DLGAP3: variants seen among roughly 807,000 people sequenced by gnomAD.
The protein encoded by DLGAP3 is DLG associated protein 3.
Under a neutral mutation model 81.2 loss-of-function variants are expected in DLGAP3, and 17 were observed. The observed-to-expected ratio is 0.21, with a 90% CI of 0.14 to 0.31. DLGAP3 has a LOEUF of 0.31. DLGAP3 is among the 10% of genes least tolerant of loss of function. The pLI is 1.00. For synonymous variants in DLGAP3, 577 were observed against 587.4 expected, an observed-to-expected ratio of 0.98 and a Z score of 0.26; for missense variants, 1,124 against 1,388.0, an observed-to-expected ratio of 0.81 and a Z score of 3.02.
chr1:34,890,214 A>G (rs1022467915), intron 5 of DLGAP3, among the ~76,000 whole-genome samples: 1 of 152,186 alleles, frequency 6.6e-6, no homozygotes, highest in African/African-American at 2.4e-5. Context: ...ACACCCCTAA[A>G]ATTAAAAATT....
rs188348795 is a variant in DLGAP3, at chr1:34,922,343, C to A, written c.-135+7108G>T. ...TCAAGCTCAAGCTGTTGGGAAGACA[C>A]TTTTGGGTAGCCCAATGTTCAGTCA... On this transcript the variant is annotated intron_variant, in intron 1 of 11. Coordinates refer to ENST00000373347, the MANE Select transcript of DLGAP3 (RefSeq NM_001080418.3). 2.6e-5 allele frequency among the ~76,000 whole-genome samples: 4 copies of A among 152,358 alleles called. No individual in the cohort carries two copies. The East Asian group carries it at 5.8e-4, about 22-fold the overall frequency.
Position 34,907,382 on chromosome 1 carries a change from A to G in DLGAP3, c.-79T>C, listed in dbSNP as rs1351171038. ...TCCAGGGTGTCCCATCCTTGATGTC[A>G]GGATCCCCACCACCAGGCAGAAGCC... On this transcript the variant is annotated 5_prime_UTR_variant, in exon 2 of 12. Coordinates refer to ENST00000373347, the MANE Select transcript of DLGAP3 (RefSeq NM_001080418.3). 6.6e-6 allele frequency: 1 copy of G among 152,654 alleles called. No individual in the cohort carries two copies. Among genetic ancestry groups the G allele is most frequent in the Admixed American group, 6.5e-5 (1 of 15,276 alleles). The allele number at this position is 152,654 out of a possible 1,614,324, so 9.5% of individuals were successfully genotyped here. A position where few individuals can be genotyped will look rare whatever the true frequency, so the allele number is the denominator to read the frequency against.
At chr1:34,903,396 C>T (rs1467811796) in intron 3 of DLGAP3, among the ~76,000 whole-genome samples, 1 of 152,220 alleles carries the variant, frequency 6.6e-6, no homozygotes, top group Non-Finnish European at 1.5e-5. Context: ...CCAGAAAACG[C>T]TCATTGAATA....
Position 34,866,054 on chromosome 1 carries a change from C to A in DLGAP3, c.*29G>T. The A allele has an allele frequency of 6.4e-7, 1 of 1,570,208 alleles. No individual in the cohort carries two copies. The highest frequency in any genetic ancestry group is 8.6e-7 in the Non-Finnish European group (1 of 1,160,528). On this transcript the variant is annotated 3_prime_UTR_variant, in exon 12 of 12. Coordinates refer to ENST00000373347, the MANE Select transcript of DLGAP3 (RefSeq NM_001080418.3). ...TACAGTACGGGTGGAGAACCGCGGG[C>A]CCGGGCCGGGCTGGGCGGGCCGGAC...
At chr1:34,899,581 C>A in intron 5 of DLGAP3, 88 bp downstream of exon 5, 4 of 1,195,546 alleles carry the variant, frequency 3.3e-6, no homozygotes, top group Non-Finnish European at 5.0e-6. Flanking sequence ...TCTCCACAGG[C>A]AGACCCTCTG....
At chr1:34,888,130 C>T (rs201687625) in intron 5 of DLGAP3, among the ~76,000 whole-genome samples, 5,468 of 152,246 alleles carry the variant, frequency 0.036, 111 homozygotes, top group Middle Eastern at 0.085. Context: ...TGTGACATCT[C>T]CCAGGAAAGA....
At chr1:34,877,500 G>A (rs1639075894) in intron 8 of DLGAP3, among the ~76,000 whole-genome samples, 1 of 152,106 alleles carries the variant, frequency 6.6e-6, no homozygotes, top group Non-Finnish European at 1.5e-5. Flanking sequence ...GAAGAGGGCA[G>A]TAAAAAACAA....
chr1:34,886,346 G>A, intron 5 of DLGAP3, 61 bp from the exon 6 acceptor site: 6 of 1,462,370 alleles, frequency 4.1e-6, no homozygotes, highest in Non-Finnish European at 4.6e-6. Context: ...GAAGTCCCTG[G>A]GGTGCTCTGC....
chr1:34,872,771 G>A lies in DLGAP3; in HGVS notation c.2001-3682C>T, dbSNP rs184268215. On this transcript the variant is annotated intron_variant, in intron 8 of 11. Transcript: ENST00000373347. Reference sequence around the variant, plus strand: ...CCCACCACTGCTGGCTCTGAAGATAGAAGCAAGCTGCAAGTGAAGGAATGC... The same window carrying A: ...CCCACCACTGCTGGCTCTGAAGATAAAAGCAAGCTGCAAGTGAAGGAATGC... Among the ~76,000 whole-genome samples, 302 of 152,290 alleles carry A rather than the reference G, an allele frequency of 2.0e-3. 1 individual carries two copies. Among genetic ancestry groups the A allele is most frequent in the South Asian group, 9.7e-3 (47 of 4,828 alleles).
intron 5 of DLGAP3, among the ~76,000 whole-genome samples, chr1:34,893,178 C>CCA (rs1639340617): frequency 1.2e-5 from 1 of 84,844 alleles, no homozygotes; most frequent in African/African-American, 4.3e-5. Flanking sequence ...GACTCCGTCT[C>CCA]AAAAAAAAAA....
chr1:34,921,623 G>A (rs1639798258), intron 1 of DLGAP3, among the ~76,000 whole-genome samples: 2 of 152,186 alleles, frequency 1.3e-5, no homozygotes, highest in African/African-American at 4.8e-5. Context: ...CACAGCATGT[G>A]GCAGATTAGA....
Position 34,900,240 on chromosome 1 carries a change from C to T in DLGAP3, c.1141G>A (p.Gly381Ser), listed in dbSNP as rs767733655. ...CAGGGGATCTCCCCATCCTTGCCAC[C>T]GGTGGGGTAACCCCCCCAGTCATCT... ...PQDDWGGYPT[G>S]GKDGEIPCRR... The change falls in exon 4 of 12, where the codon GGT becomes AGT. Residue 381 changes from glycine (G) to serine (S), a missense_variant. Gly to Ser is a moderately conservative substitution (Grantham distance 56). Coordinates refer to ENST00000373347, the MANE Select transcript of DLGAP3 (RefSeq NM_001080418.3). The surrounding 1 kb of genome is among the most constrained non-coding windows in gnomAD (Gnocchi z 5.6). 12 of 1,613,930 alleles carry T rather than the reference C, an allele frequency of 7.4e-6. No homozygotes were observed. The East Asian group carries it at 1.3e-4, about 18-fold the overall frequency.
At chr1:34,893,004 C>G (rs1639335414) in intron 5 of DLGAP3, among the ~76,000 whole-genome samples, 1 of 151,606 alleles carries the variant, frequency 6.6e-6, no homozygotes, top group Non-Finnish European at 1.5e-5. Flanking sequence ...AACCCCGTCT[C>G]TACTAAAAAT....
chr1:34,875,882 C>A (rs1639042874), intron 8 of DLGAP3, among the ~76,000 whole-genome samples: 1 of 152,288 alleles, frequency 6.6e-6, no homozygotes, highest in Non-Finnish European at 1.5e-5. Context: ...CGGATCTCCA[C>A]CCAAATGTCA....
At chr1:34,896,458 G>A (rs1187945998) in intron 5 of DLGAP3, among the ~76,000 whole-genome samples, 14 of 152,076 alleles carry the variant, frequency 9.2e-5, no homozygotes, top group African/African-American at 1.9e-4. Flanking sequence ...GTGTGGTGGC[G>A]CACACGTGTA....
chr1:34,866,287 G>C lies in DLGAP3; in HGVS notation c.2736C>G (p.Val912=). 2 of 1,530,212 alleles carry C rather than the reference G, an allele frequency of 1.3e-6. No homozygotes were observed. The highest frequency in any genetic ancestry group is 8.8e-7 in the Non-Finnish European group (1 of 1,138,148). The allele number at this position is 1,530,212 out of a possible 1,614,324, so 94.8% of individuals were successfully genotyped here. The change falls in exon 12 of 12, where the codon GTC becomes GTG. Residue 912 remains valine, a synonymous_variant. Transcript: ENST00000373347. Reference sequence around the variant, plus strand: ...GGGGCTTCTTTGGTATCGGCGGAGGGACCTTCTTCTCCTCCTGCGGGGCAG... The same window carrying C: ...GGGGCTTCTTTGGTATCGGCGGAGGCACCTTCTTCTCCTCCTGCGGGGCAG... ...KLLEPKEEKK[V]PPPIPKKPLR... is the part of the protein sequence containing the mutation.
intron 5 of DLGAP3, among the ~76,000 whole-genome samples, chr1:34,893,497 CT>C (rs1639344899): frequency 1.3e-5 from 2 of 152,154 alleles, no homozygotes; most frequent in Admixed American, 1.3e-4. Context: ...ACAAGAGCCT[CT>C]ATAAATATAT....
At chr1:34,899,887 T>C (rs1639428936) in intron 4 of DLGAP3, 146 bp from the exon 5 acceptor site, 1 of 919,840 alleles carries the variant, frequency 1.1e-6, no homozygotes. Flanking sequence ...GTAAAGAGAC[T>C]CCCAAAGAGG....
At position 34,866,225 on chromosome 1, in the gene DLGAP3, A is replaced by G. The variant is rs1412515926; in HGVS notation, c.2798T>C (p.Leu933Pro). Reference sequence around the variant, plus strand: ...CTGCCGCTGCCGGTCCACGGAGTCCAGGGAGCGCTCCTTCACCGGCACGCC... The same window carrying G: ...CTGCCGCTGCCGGTCCACGGAGTCCGGGGAGCGCTCCTTCACCGGCACGCC... Reference protein sequence around the residue: ...GRGVPVKERSLDSVDRQRQEA... With the variant: ...GRGVPVKERSPDSVDRQRQEA... The change falls in exon 12 of 12, where the codon CTG (leucine) becomes CCG (proline). Residue 933 changes from leucine to proline, a missense_variant. Physicochemically the swap from Leu to Pro is moderately conservative, Grantham distance 98. Around this residue, in one of 9 missense-constraint regions of DLGAP3, gnomAD observed 133 missense variants for 171.1 expected, o/e 0.78. Transcript: ENST00000373347. 2 of 1,587,248 alleles carry G rather than the reference A, an allele frequency of 1.3e-6. No homozygotes were observed. Among genetic ancestry groups the G allele is most frequent in the Admixed American group, 1.7e-5 (1 of 57,600 alleles).
Sources: gnomAD v4.1 joint callset for allele counts (sites outside exome capture counted in the v4.1 genomes callset) on GRCh38, gnomAD v4.1.1 for gene constraint, gnomAD v4.1.1 regional missense constraint, Gnocchi (gnomAD v3.1) non-coding constraint, MANE v1.5 for transcripts, NCBI Gene and HGNC (gene_info 2026-07-23, HGNC 2026-07-21) for gene names.